Variants in REV3L observed in about 807,000 individuals in gnomAD.
REV3L encodes DNA polymerase zeta catalytic subunit.
In REV3L, 69 loss-of-function variants were observed where a neutral mutation model predicts 299.4. The observed-to-expected ratio is 0.23, with a 90% CI of 0.19 to 0.28. The LOEUF (loss-of-function observed/expected upper bound fraction) is 0.28. Among genes scored for constraint, REV3L ranks in the 10% least tolerant of loss-of-function variants. REV3L has a pLI of 1.00. For synonymous variants in REV3L, 1,238 were observed against 1,271.4 expected (o/e 0.97, Z 0.56); for missense variants, 3,128 against 3,693.8 (o/e 0.85, Z 3.97).
chr6:111,367,552 G>A lies in REV3L; in HGVS notation c.6236C>T (p.Ala2079Val), dbSNP rs375793077. 4 of 1,613,538 alleles carry A rather than the reference G, an allele frequency of 2.5e-6. No homozygotes were observed. Among genetic ancestry groups the A allele is most frequent in the Admixed American group, 3.3e-5 (2 of 60,012 alleles). Residue 2079 changes from alanine (A) to valine (V), a missense_variant, in exon 14 of 32, where the codon GCA (alanine) becomes GTA (valine). Around this residue, in one of 9 missense-constraint regions of REV3L, gnomAD observed 2,409 missense variants for 2,611.8 expected, o/e 0.92. Coordinates refer to ENST00000368802, the MANE Select transcript of REV3L (RefSeq NM_001372078.1). ...AGTTTGACTACATCCCGTGGTTGGT[G>A]CTTGTAAAGCAATCTGAGAATTATC... ...DVDNSQIALQ[A>V]PTTGCSQTAS... is the part of the protein sequence containing the mutation.
At chr6:111,350,394 C>T (rs1777463552) in intron 19 of REV3L, among the ~76,000 whole-genome samples, 1 of 151,608 alleles carries the variant, frequency 6.6e-6, no homozygotes, top group African/African-American at 2.4e-5. Context: ...CAAAATAACC[C>T]TATGAAATAA....
At chr6:111,463,225 A>G (rs1791007008) in intron 1 of REV3L, among the ~76,000 whole-genome samples, 1 of 152,186 alleles carries the variant, frequency 6.6e-6, no homozygotes. Flanking sequence ...CAATTCAGTA[A>G]TCATGAGTCA....
Position 111,359,034 on chromosome 6 carries a change from C to A in REV3L, c.6880-20G>T. ...TTGTATCTATAAAAGCAAATAAATA[C>A]TATGTTTTTAAAACATTTTTTAAAG... On this transcript the variant is annotated intron_variant, in intron 16 of 31. Coordinates refer to ENST00000368802, the MANE Select transcript of REV3L (RefSeq NM_001372078.1). 6.3e-7 allele frequency: 1 copy of A among 1,577,986 alleles called. No homozygotes were observed. Among genetic ancestry groups the A allele is most frequent in the South Asian group, 1.2e-5 (1 of 86,718 alleles).
chr6:111,389,883 T>C (rs1437421978), intron 6 of REV3L, among the ~76,000 whole-genome samples: 1 of 151,790 alleles, frequency 6.6e-6, no homozygotes, highest in Admixed American at 6.6e-5. Flanking sequence ...ACTACAGACG[T>C]GTGCCACCAC....
chr6:111,423,355 C>G (rs544371961), intron 1 of REV3L, among the ~76,000 whole-genome samples: 1 of 152,208 alleles, frequency 6.6e-6, no homozygotes, highest in African/African-American at 2.4e-5. Flanking sequence ...AACTATGAAT[C>G]AGATTTAGCC....
At chr6:111,431,820 T>A in intron 1 of REV3L, 1 of 584,596 alleles carries the variant, frequency 1.7e-6, no homozygotes. Flanking sequence ...ATGTACATAC[T>A]TTTTCATTCT....
At chr6:111,444,431 A>G (rs1450277433) in intron 1 of REV3L, among the ~76,000 whole-genome samples, 1 of 152,200 alleles carries the variant, frequency 6.6e-6, no homozygotes, top group Admixed American at 6.5e-5. Flanking sequence ...AAATACCACA[A>G]ATTAAAAGAC....
chr6:111,424,300 G>A (rs1785911887), intron 1 of REV3L, among the ~76,000 whole-genome samples: 1 of 152,180 alleles, frequency 6.6e-6, no homozygotes, highest in Non-Finnish European at 1.5e-5. Flanking sequence ...CTGGATCAGA[G>A]ATTGGTGGCA....
At chr6:111,322,747 A>T in intron 25 of REV3L, 69 bp from the exon 26 acceptor site, 1 of 1,049,698 alleles carries the variant, frequency 9.5e-7, no homozygotes, top group East Asian at 2.4e-5. Flanking sequence ...ACTTTAACAT[A>T]TAATACATTT....
chr6:111,400,799 C>A (rs535154387), intron 4 of REV3L, among the ~76,000 whole-genome samples: 1 of 152,222 alleles, frequency 6.6e-6, no homozygotes, highest in African/African-American at 2.4e-5. Context: ...AGACTGGGTA[C>A]ATTTTCCCTT....
chr6:111,369,247 A>G (rs1176166931), intron 13 of REV3L, among the ~76,000 whole-genome samples: 2 of 141,470 alleles, frequency 1.4e-5, no homozygotes, highest in Non-Finnish European at 3.0e-5. Flanking sequence ...ACGCCACTGC[A>G]CTCCAACCTG....
chr6:111,315,900 G>A (rs565542091), intron 26 of REV3L, among the ~76,000 whole-genome samples: 1 of 152,324 alleles, frequency 6.6e-6, no homozygotes, highest in South Asian at 2.1e-4. Flanking sequence ...CTGGTCTGCG[G>A]AAAAATTGTC....
chr6:111,466,999 A>G (rs775978256), intron 1 of REV3L, among the ~76,000 whole-genome samples: 5 of 152,234 alleles, frequency 3.3e-5, no homozygotes, highest in African/African-American at 4.8e-5. Flanking sequence ...AGCAGACGCT[A>G]AAGAATACAT....
rs377020820 is a variant in REV3L at position 111,358,649 on chromosome 6, T to C, written c.7072+173A>G. Among the ~76,000 whole-genome samples, 8 of 152,206 alleles carry C rather than the reference T, an allele frequency of 5.3e-5. No homozygotes were observed. The South Asian group carries it at 1.0e-3, about 20-fold the overall frequency. ...CCTGGCTGCTTCTGACTAATCCAAG[T>C]AAGAATAATAAATCTAGGACAAAGT... On this transcript the variant is annotated intron_variant, in intron 17 of 31. Transcript: ENST00000368802.
chr6:111,377,855 TA>T lies in REV3L; in HGVS notation c.1455-13del. The T allele has an allele frequency of 6.2e-7, 1 of 1,600,760 alleles. No individual in the cohort carries two copies. Among genetic ancestry groups the T allele is most frequent in the Non-Finnish European group, 8.5e-7 (1 of 1,174,992 alleles). ...TTCTGCACAGTGATCTGGAGAACATTAAAATTCACTGGTGAGCATGATCATT... is the reference window on the plus strand; with the variant it reads ...TTCTGCACAGTGATCTGGAGAACATTAAATTCACTGGTGAGCATGATCATT... On this transcript the variant is annotated splice_polypyrimidine_tract_variant and intron_variant, in intron 11 of 31. Coordinates refer to ENST00000368802, the MANE Select transcript of REV3L (RefSeq NM_001372078.1).
chr6:111,456,305 T>A (rs1186677680), intron 1 of REV3L, among the ~76,000 whole-genome samples: 1 of 152,218 alleles, frequency 6.6e-6, no homozygotes, highest in Non-Finnish European at 1.5e-5. Context: ...CAACAGAAGC[T>A]TGACCCTCTG....
intron 3 of REV3L, among the ~76,000 whole-genome samples, chr6:111,410,219 T>TG (rs1001388542): frequency 2.6e-5 from 4 of 152,000 alleles, no homozygotes; most frequent in Admixed American, 6.6e-5. Context: ...AAATAATAAA[T>TG]GAACAAATAA....
chr6:111,445,895 T>C (rs924552497), intron 1 of REV3L, among the ~76,000 whole-genome samples: 2 of 152,240 alleles, frequency 1.3e-5, no homozygotes, highest in East Asian at 1.9e-4. Context: ...AGACAAAGCA[T>C]AGGATATATT....
At chr6:111,381,511 T>A in intron 9 of REV3L, 67 bp from the exon 10 acceptor site, 1 of 1,384,740 alleles carries the variant, frequency 7.2e-7, no homozygotes, top group Non-Finnish European at 9.9e-7. Flanking sequence ...CATTTAGAAT[T>A]TGTGTAAATT....
Sources: allele counts gnomAD v4.1 joint callset (sites outside exome capture counted in the v4.1 genomes callset), GRCh38; gene constraint gnomAD v4.1.1; regional missense constraint gnomAD v4.1.1; transcripts MANE v1.5; gene names NCBI Gene and HGNC (gene_info 2026-07-23, HGNC 2026-07-21).